The following FRMD4B variants were observed in gnomAD, a reference collection of about 807,000 sequenced individuals.
The protein encoded by FRMD4B is FERM domain-containing protein 4B.
Under a neutral mutation model 141.5 loss-of-function variants are expected in FRMD4B, and 74 were observed. That is an observed-to-expected ratio of 0.52 (90% confidence interval 0.43 to 0.63). The LOEUF is 0.63. FRMD4B is among the 30% of genes least tolerant of loss of function. The probability of loss-of-function intolerance (pLI) is 0.00; values close to 1 mark genes in which losing one functional copy is unlikely to be tolerated. For missense variants in FRMD4B, 1,366 were observed against 1,253.4 expected (o/e 1.09, Z -1.36); for synonymous variants, 506 against 467.9 (o/e 1.08, Z -1.05).
At chr3:69,230,037 C>T (rs1371762149) in intron 7 of FRMD4B, among the ~76,000 whole-genome samples, 2 of 151,012 alleles carry the variant, frequency 1.3e-5, no homozygotes, top group Non-Finnish European at 2.9e-5. Flanking sequence ...AGTGCAGTGG[C>T]GCAATGTTGG....
intron 1 of FRMD4B, among the ~76,000 whole-genome samples, chr3:69,494,562 G>T (rs35972777): frequency 0.33 from 49,621 of 151,938 alleles, 8,274 homozygotes; most frequent in African/African-American, 0.38. Context: ...TGTGGGAAGA[G>T]GGGTGGTAGT....
chr3:69,531,251 A>G (rs1298872319), intron 1 of FRMD4B, among the ~76,000 whole-genome samples: 1 of 152,216 alleles, frequency 6.6e-6, no homozygotes, highest in Non-Finnish European at 1.5e-5. Flanking sequence ...CTAAAAGAAT[A>G]TGGATCTGTG....
chr3:69,266,755 T>C (rs537761775), intron 5 of FRMD4B, among the ~76,000 whole-genome samples: 2 of 152,236 alleles, frequency 1.3e-5, no homozygotes, highest in Non-Finnish European at 2.9e-5. Context: ...TAGTACTAAC[T>C]GACTTAGGTA....
At chr3:69,339,865 G>T (rs1338368425) in intron 1 of FRMD4B, among the ~76,000 whole-genome samples, 1 of 152,112 alleles carries the variant, frequency 6.6e-6, no homozygotes, top group African/African-American at 2.4e-5. Context: ...CCTGAGAGGG[G>T]ATTCTTGACA....
In FRMD4B at chr3:69,221,935, A is replaced by G. The variant is rs1675209576; in HGVS notation, c.666-12T>C. 7.1e-7 allele frequency: 1 copy of G among 1,399,560 alleles called. No homozygotes were observed. 86.7% of individuals were successfully genotyped at this position (1,399,560 alleles called of 1,614,324 possible). ...TTACCCTGTCCTCACTGTAAAACAA[A>G]GAAATGAGAAGGATTGCAATGCATG... is the stretch of plus-strand genomic sequence containing the variant. On this transcript the variant is annotated splice_polypyrimidine_tract_variant and intron_variant, in intron 8 of 22. Coordinates refer to ENST00000398540, the MANE Select transcript of FRMD4B (RefSeq NM_015123.3).
chr3:69,541,788 T>TCCCC (rs1559557878), intron 1 of FRMD4B, among the ~76,000 whole-genome samples: 13 of 135,872 alleles, frequency 9.6e-5, no homozygotes, highest in African/African-American at 3.7e-4. Context: ...CTCCAGGGAT[T>TCCCC]TCCCCCCCCT....
In FRMD4B at chr3:69,412,840, C is replaced by CTTT. The variant is rs869150440; in HGVS notation, c.-1+19791_-1+19793dup. ...AAGAGAATTCCAATGAGAAGCTCCACTTTTTTTTTTTTTTTTTTTTTTTTT... is the reference window on the plus strand; with the variant it reads ...AAGAGAATTCCAATGAGAAGCTCCACTTTTTTTTTTTTTTTTTTTTTTTTTTTT... On this transcript the variant is annotated intron_variant, in intron 2 of 5. Transcript: ENST00000459638. Among the ~76,000 whole-genome samples the CTTT allele has an allele frequency of 4.8e-4, 26 of 54,270 alleles. 3 individuals are homozygous for CTTT. The East Asian group carries it at 5.3e-3, about 11-fold the overall frequency. The allele number at this position is 54,270 out of a possible 152,430, so 35.6% of individuals were successfully genotyped here.
At chr3:69,466,233 G>T (rs755119639) in intron 1 of FRMD4B, among the ~76,000 whole-genome samples, 1 of 151,954 alleles carries the variant, frequency 6.6e-6, no homozygotes, top group Non-Finnish European at 1.5e-5. Flanking sequence ...CTTTTTGATG[G>T]GGTTGTTTGT....
chr3:69,203,907 T>C (rs144388378), intron 11 of FRMD4B, among the ~76,000 whole-genome samples: 128 of 152,336 alleles, frequency 8.4e-4, no homozygotes, highest in Non-Finnish European at 1.3e-3. Context: ...CTTTCCATTG[T>C]TGAGAAACAA....
At chr3:69,363,273 A>ATTTTTTTTTT in intron 1 of FRMD4B, among the ~76,000 whole-genome samples, 1 of 137,370 alleles carries the variant, frequency 7.3e-6, no homozygotes. Flanking sequence ...TTAAATAGAG[A>ATTTTTTTTTT]TGGGTCTTGC....
At chr3:69,299,864 C>G (rs1277130080) in intron 4 of FRMD4B, among the ~76,000 whole-genome samples, 1 of 152,110 alleles carries the variant, frequency 6.6e-6, no homozygotes, top group Non-Finnish European at 1.5e-5. Context: ...GCTCCATGTT[C>G]CAGTGCATGC....
intron 1 of FRMD4B, among the ~76,000 whole-genome samples, chr3:69,455,706 T>G (rs112696766): frequency 1.3e-5 from 2 of 152,222 alleles, no homozygotes; most frequent in Non-Finnish European, 2.9e-5. Flanking sequence ...ACCCCAAGTG[T>G]GGCTAGGTGT....
intron 1 of FRMD4B, among the ~76,000 whole-genome samples, chr3:69,527,653 A>T (rs1700949732): frequency 6.6e-6 from 1 of 152,224 alleles, no homozygotes; most frequent in Non-Finnish European, 1.5e-5. Context: ...AATCTTTCAG[A>T]GGTTGAACTT....
intron 4 of FRMD4B, among the ~76,000 whole-genome samples, chr3:69,299,521 G>A (rs1256162180): frequency 2.0e-5 from 3 of 152,168 alleles, no homozygotes; most frequent in Admixed American, 6.5e-5. Flanking sequence ...GGCCAGGAAC[G>A]TGGAGTTGGA....
chr3:69,190,971 C>T lies in FRMD4B; in HGVS notation c.1715-1019G>A, dbSNP rs1045002190. ...CCTATCACGTAGTGCTGGGGTGAGGCGTTAGAATAACGGATGTAAAGCCCC... is the reference window on the plus strand; with the variant it reads ...CCTATCACGTAGTGCTGGGGTGAGGTGTTAGAATAACGGATGTAAAGCCCC... On this transcript the variant is annotated intron_variant, in intron 17 of 22. Coordinates refer to ENST00000398540, the MANE Select transcript of FRMD4B (RefSeq NM_015123.3). Among the ~76,000 whole-genome samples the T allele has an allele frequency of 2.6e-5, 4 of 152,282 alleles. No homozygotes were observed. The East Asian group carries it at 5.8e-4, about 22-fold the overall frequency.
chr3:69,474,052 T>C (rs1705938775), intron 1 of FRMD4B, among the ~76,000 whole-genome samples: 1 of 152,208 alleles, frequency 6.6e-6, no homozygotes, highest in Non-Finnish European at 1.5e-5. Context: ...AGTTCTCTTC[T>C]AAACTGCAAA....
At chr3:69,207,691 C>T (rs1200440039) in intron 11 of FRMD4B, among the ~76,000 whole-genome samples, 9 of 152,072 alleles carry the variant, frequency 5.9e-5, no homozygotes, top group African/African-American at 9.7e-5. Flanking sequence ...GCCTATACTC[C>T]CAGCTACTCG....
intron 5 of FRMD4B, among the ~76,000 whole-genome samples, chr3:69,273,212 C>T (rs1317137878): frequency 1.3e-5 from 2 of 152,306 alleles, no homozygotes; most frequent in East Asian, 3.9e-4. Flanking sequence ...GTAGTATATG[C>T]TCAGTGTCCC....
At chr3:69,488,043 A>G (rs946019665) in intron 1 of FRMD4B, among the ~76,000 whole-genome samples, 1 of 151,970 alleles carries the variant, frequency 6.6e-6, no homozygotes, top group Non-Finnish European at 1.5e-5. Flanking sequence ...AAAAAGAAAG[A>G]GAAAGAAAGA....
Sources: allele counts gnomAD v4.1 joint callset (sites outside exome capture counted in the v4.1 genomes callset), GRCh38; gene constraint gnomAD v4.1.1; transcripts MANE v1.5; gene names NCBI Gene and HGNC (gene_info 2026-07-23, HGNC 2026-07-21).